CREM: variants seen among roughly 807,000 people sequenced by gnomAD.
CREM encodes the protein cAMP-responsive element modulator.
CREM carries 13 observed loss-of-function variants against 37.3 expected under a neutral mutation model. The ratio of observed to expected loss-of-function variants is 0.35; its 90% CI spans 0.23 to 0.55. The LOEUF (loss-of-function observed/expected upper bound fraction) is 0.55. Among genes scored for constraint, CREM ranks in the 20% least tolerant of loss-of-function variants. The pLI is 0.88. For synonymous variants in CREM, 124 were observed against 120.2 expected (o/e 1.03, Z -0.21); for missense variants, 296 against 362.3 (o/e 0.82, Z 1.49).
At chr10:35,178,510 G>A (rs769629710) in intron 3 of CREM, among the ~76,000 whole-genome samples, 10 of 152,204 alleles carry the variant, frequency 6.6e-5, no homozygotes, top group Admixed American at 2.0e-4. Flanking sequence ...TCTCTTCTGC[G>A]TTGGCCCCTC....
chr10:35,183,990 C>T (rs553966786), intron 5 of CREM, among the ~76,000 whole-genome samples: 2 of 152,342 alleles, frequency 1.3e-5, no homozygotes, highest in African/African-American at 4.8e-5. Context: ...AGGAGAATCG[C>T]TTGAACCCAG....
chr10:35,194,234 C>T (rs1164722941), intron 6 of CREM, among the ~76,000 whole-genome samples: 2 of 149,528 alleles, frequency 1.3e-5, no homozygotes, highest in African/African-American at 2.5e-5. Context: ...ATTTTTGTGT[C>T]TAACCTTATA....
At chr10:35,182,981 T>C (rs1174569861) in intron 5 of CREM, among the ~76,000 whole-genome samples, 1 of 152,222 alleles carries the variant, frequency 6.6e-6, no homozygotes, top group Non-Finnish European at 1.5e-5. Context: ...AGTGAATTTG[T>C]AAAAGCAACC....
chr10:35,136,961 C>T (rs1405767270), intron 1 of CREM, among the ~76,000 whole-genome samples: 3 of 152,036 alleles, frequency 2.0e-5, no homozygotes, highest in Non-Finnish European at 4.4e-5. Context: ...GCTGGGAGTC[C>T]AGGCCTGTGC....
intron 6 of CREM, among the ~76,000 whole-genome samples, chr10:35,189,358 G>T (rs915314829): frequency 6.6e-6 from 1 of 152,052 alleles, no homozygotes; most frequent in Admixed American, 6.6e-5. Flanking sequence ...TAATTCAGTT[G>T]TGCCTATGAT....
intron 3 of CREM, among the ~76,000 whole-genome samples, chr10:35,163,277 T>G (rs1251820932): frequency 1.3e-5 from 2 of 152,164 alleles, no homozygotes; most frequent in Non-Finnish European, 2.9e-5. Context: ...GTATTTACTA[T>G]TGGATATGGT....
At chr10:35,185,400 G>A (rs191390817) in intron 5 of CREM, among the ~76,000 whole-genome samples, 1 of 152,152 alleles carries the variant, frequency 6.6e-6, no homozygotes, top group East Asian at 1.9e-4. Context: ...CACCGCGCCC[G>A]GCCTAGGCTT....
intron 2 of CREM, among the ~76,000 whole-genome samples, chr10:35,140,601 G>A (rs1159566912): frequency 6.6e-6 from 1 of 152,204 alleles, no homozygotes; most frequent in Non-Finnish European, 1.5e-5. Context: ...CTGTCCCTGA[G>A]TTGCTCACGC....
chr10:35,211,111 C>G, intron 7 of CREM, 143 bp from the exon 8 acceptor site: 1 of 708,632 alleles, frequency 1.4e-6, no homozygotes, highest in South Asian at 2.5e-5. Context: ...AAGCATGTGC[C>G]TGGTTATGTT....
At chr10:35,147,871 A>G (rs1469394349) in intron 2 of CREM, among the ~76,000 whole-genome samples, 1 of 152,334 alleles carries the variant, frequency 6.6e-6, no homozygotes, top group Middle Eastern at 3.4e-3. Context: ...AAGATGAGAG[A>G]GTTAGGACTC....
chr10:35,209,974 C>T (rs866084473), intron 7 of CREM, among the ~76,000 whole-genome samples: 1 of 151,750 alleles, frequency 6.6e-6, no homozygotes, highest in Non-Finnish European at 1.5e-5. Flanking sequence ...TGATCTTTTC[C>T]TGCAGTTCAT....
At chr10:35,167,726 A>C (rs750893395) in intron 3 of CREM, 3 of 1,613,876 alleles carry the variant, frequency 1.9e-6, no homozygotes, top group Non-Finnish European at 2.5e-6. Context: ...TTTTTGGTGG[A>C]TGTGGTGGCA....
intron 1 of CREM, among the ~76,000 whole-genome samples, chr10:35,129,063 A>G (rs1240595702): frequency 1.3e-5 from 2 of 152,226 alleles, no homozygotes; most frequent in Non-Finnish European, 2.9e-5. Context: ...TAAACACTTA[A>G]AGCATTGTCA....
At chr10:35,176,039 T>G in intron 3 of CREM, 1 of 1,524,176 alleles carries the variant, frequency 6.6e-7, no homozygotes, top group Non-Finnish European at 8.8e-7. Flanking sequence ...TTGACTTTCT[T>G]GAGCCATTTT....
intron 3 of CREM, among the ~76,000 whole-genome samples, chr10:35,157,312 C>T (rs956852829): frequency 1.3e-5 from 2 of 152,054 alleles, no homozygotes; most frequent in Non-Finnish European, 2.9e-5. Flanking sequence ...AGGTTGAAAG[C>T]TTTTTCTCTA....
intron 2 of CREM, among the ~76,000 whole-genome samples, chr10:35,144,772 C>T (rs1329164485): frequency 1.3e-5 from 2 of 148,524 alleles, no homozygotes; most frequent in East Asian, 3.9e-4. Context: ...TTCTTGGATT[C>T]TACAGTGTGT....
At chr10:35,196,102 A>G (rs1331604129) in intron 6 of CREM, 2 of 1,614,158 alleles carry the variant, frequency 1.2e-6, no homozygotes, top group East Asian at 2.2e-5. Context: ...GCTTAGTGGT[A>G]AGATCGAGCC....
intron 6 of CREM, among the ~76,000 whole-genome samples, chr10:35,200,852 C>T (rs1319515338): frequency 2.0e-5 from 3 of 152,190 alleles, no homozygotes; most frequent in African/African-American, 7.2e-5. Context: ...TCTTTGTGCT[C>T]AGTACTACAG....
chr10:35,138,001 A>G lies in CREM; in HGVS notation c.44+122A>G, dbSNP rs2090840782. On this transcript the variant is annotated intron_variant, in intron 2 of 7. Coordinates refer to ENST00000685392, the MANE Select transcript of CREM (RefSeq NM_183011.2). ...GTATGTATATATATTCTATTATAAT[A>G]TATACTCAAATTATTCAGCCATTCA... is the stretch of plus-strand genomic sequence containing the variant. 3 of 575,982 alleles carry G rather than the reference A, an allele frequency of 5.2e-6. No individual in the cohort carries two copies. In the South Asian group the frequency reaches 1.3e-4, roughly 25 times the overall value. 35.7% of individuals were successfully genotyped at this position (575,982 alleles called of 1,614,324 possible).
Sources: allele counts gnomAD v4.1 joint callset (sites outside exome capture counted in the v4.1 genomes callset), GRCh38; gene constraint gnomAD v4.1.1; transcripts MANE v1.5; gene names NCBI Gene and HGNC (gene_info 2026-07-23, HGNC 2026-07-21).